The following STOX1 variants were observed in gnomAD, a reference collection of about 807,000 sequenced individuals.
STOX1 encodes the protein storkhead box 1.
A neutral mutation model predicts 74.8 loss-of-function variants in STOX1; 57 were observed. That is an observed-to-expected ratio of 0.76 (90% CI 0.62 to 0.95). The LOEUF (loss-of-function observed/expected upper bound fraction) is 0.95. STOX1 is among the 40% of genes least tolerant of loss of function. The pLI, the probability that STOX1 is intolerant of heterozygous loss-of-function variation, is 0.00. For missense variants in STOX1, 1,010 were observed against 1,117.0 expected (o/e 0.90, Z 1.37); for synonymous variants, 375 against 401.3 (o/e 0.93, Z 0.78).
downstream of STOX1, among the ~76,000 whole-genome samples, chr10:68,894,081 A>G (rs1841151425): frequency 6.7e-6 from 1 of 150,046 alleles, no homozygotes; most frequent in African/African-American, 2.5e-5. Flanking sequence ...TTTTTTTGAG[A>G]CAGCATCTCG....
chr10:68,857,339 G>C (rs1840152816), intron 1 of STOX1, among the ~76,000 whole-genome samples: 1 of 151,994 alleles, frequency 6.6e-6, no homozygotes, highest in Non-Finnish European at 1.5e-5. Flanking sequence ...CTCCCCTCCT[G>C]AAAGGAGGGA....
chr10:68,837,687 G>A (rs1248235660), intron 1 of STOX1, among the ~76,000 whole-genome samples: 1 of 152,200 alleles, frequency 6.6e-6, no homozygotes, highest in Non-Finnish European at 1.5e-5. Context: ...TCTGACATCT[G>A]AGAAAGACCT....
intron 1 of STOX1, among the ~76,000 whole-genome samples, chr10:68,857,714 A>C (rs1840162085): frequency 6.6e-6 from 1 of 152,118 alleles, no homozygotes. Flanking sequence ...GTGACCCAGC[A>C]GTCCATGCTG....
chr10:68,888,077 G>A lies in STOX1; in HGVS notation c.2822+1459G>A, dbSNP rs944247642. ...CTTATTCTAACACACACACACGCGC[G>A]CACACACGCACACACACGCGCACAC... On this transcript the variant is annotated intron_variant, in intron 3 of 3. Transcript: ENST00000298596. Among the ~76,000 whole-genome samples, 9 of 151,020 alleles carry A rather than the reference G, an allele frequency of 6.0e-5. No individual in the cohort carries two copies. The East Asian group carries it at 9.7e-4, about 16-fold the overall frequency.
intron 1 of STOX1, among the ~76,000 whole-genome samples, chr10:68,873,630 T>G (rs953565250): frequency 2.1e-5 from 3 of 143,792 alleles, no homozygotes; most frequent in Non-Finnish European, 4.6e-5. Context: ...TTTTTTTTTC[T>G]TCTTCTTCTT....
At chr10:68,841,376 A>T (rs1288242017) in intron 1 of STOX1, among the ~76,000 whole-genome samples, 1 of 152,196 alleles carries the variant, frequency 6.6e-6, no homozygotes, top group Non-Finnish European at 1.5e-5. Flanking sequence ...TCATTTCCCT[A>T]TCCCAACCAC....
At chr10:68,864,284 A>G (rs1448588677) in intron 1 of STOX1, among the ~76,000 whole-genome samples, 1 of 152,208 alleles carries the variant, frequency 6.6e-6, no homozygotes, top group African/African-American at 2.4e-5. Flanking sequence ...TTGATCCAGA[A>G]TAAGAGGCTT....
chr10:68,884,429 TC>T lies in STOX1; in HGVS notation c.634del (p.Arg212AlafsTer2). The T allele has an allele frequency of 6.2e-7, 1 of 1,614,054 alleles. No individual in the cohort carries two copies. The highest frequency in any genetic ancestry group is 1.3e-5 in the African/African-American group (1 of 75,060). On this transcript the variant is annotated frameshift_variant, in exon 3 of 4. Transcript: ENST00000298596. LOFTEE classifies it high-confidence loss of function. ...AGAGAATGCTGCCATCAGATGAAAGTCGCCTGATGCCAGCTTCCATGACATA... is the reference window on the plus strand; with the variant it reads ...AGAGAATGCTGCCATCAGATGAAAGTGCCTGATGCCAGCTTCCATGACATA... ...NKRMLPSDES[R>X]LMPASMTYLV...
chr10:68,869,859 G>T (rs1840494557), intron 1 of STOX1, among the ~76,000 whole-genome samples: 1 of 152,156 alleles, frequency 6.6e-6, no homozygotes, highest in South Asian at 2.1e-4. Flanking sequence ...TTCATGGAAT[G>T]AATGTTCCAC....
At chr10:68,853,686 T>A (rs1473969963) in intron 1 of STOX1, among the ~76,000 whole-genome samples, 15 of 151,932 alleles carry the variant, frequency 9.9e-5, no homozygotes, top group Admixed American at 9.8e-4. Flanking sequence ...TTTTTTTGTT[T>A]TTTGTTTTTT....
intron 1 of STOX1, among the ~76,000 whole-genome samples, chr10:68,864,815 C>T (rs922897903): frequency 1.3e-5 from 2 of 152,202 alleles, no homozygotes; most frequent in African/African-American, 2.4e-5. Flanking sequence ...ACTAGGATCT[C>T]CTCTAAGGAT....
chr10:68,858,983 G>C (rs1010645625), intron 1 of STOX1, among the ~76,000 whole-genome samples: 12 of 152,082 alleles, frequency 7.9e-5, no homozygotes, highest in Non-Finnish European at 1.8e-4. Flanking sequence ...GGAGTGGGAG[G>C]CCTCTGCTGG....
chr10:68,872,106 C>T (rs987123385), intron 1 of STOX1, among the ~76,000 whole-genome samples: 2 of 152,018 alleles, frequency 1.3e-5, no homozygotes, highest in Non-Finnish European at 2.9e-5. Flanking sequence ...CAGTGTGATT[C>T]AATACAGGCG....
At chr10:68,861,841 T>C (rs1840275185) in intron 1 of STOX1, among the ~76,000 whole-genome samples, 1 of 152,148 alleles carries the variant, frequency 6.6e-6, no homozygotes, top group African/African-American at 2.4e-5. Flanking sequence ...TTTTGCAATA[T>C]CCAAAGACAA....
chr10:68,852,753 T>G (rs186904647), intron 1 of STOX1, among the ~76,000 whole-genome samples: 2 of 151,598 alleles, frequency 1.3e-5, no homozygotes, highest in East Asian at 2.0e-4. Context: ...TGGCTAATTT[T>G]TTTTTTGAGA....
intron 1 of STOX1, among the ~76,000 whole-genome samples, chr10:68,830,993 A>G (rs1369044919): frequency 6.6e-6 from 1 of 152,130 alleles, no homozygotes; most frequent in Non-Finnish European, 1.5e-5. Context: ...TGCTTTCCCC[A>G]AAAGGAATTG....
At chr10:68,876,265 C>A (rs1170428664) in intron 1 of STOX1, among the ~76,000 whole-genome samples, 1 of 151,904 alleles carries the variant, frequency 6.6e-6, no homozygotes, top group African/African-American at 2.4e-5. Flanking sequence ...TCAAATGATT[C>A]TCCTGCCTAA....
At chr10:68,861,745 C>A (rs7078797) in intron 1 of STOX1, among the ~76,000 whole-genome samples, 42,281 of 151,994 alleles carry the variant, frequency 0.28, 6,446 homozygotes, top group African/African-American at 0.38. Flanking sequence ...TATGGCTGCC[C>A]ATCTTTCTGC....
intron 3 of STOX1, 125 bp downstream of exon 3, chr10:68,886,743 A>G (rs1438260315): frequency 2.4e-5 from 19 of 787,510 alleles, no homozygotes; most frequent in African/African-American, 5.1e-5. Context: ...CCTGGCCAAC[A>G]TGGTGAAACC....
Sources: allele counts gnomAD v4.1 joint callset (sites outside exome capture counted in the v4.1 genomes callset), GRCh38; gene constraint gnomAD v4.1.1; transcripts MANE v1.5; gene names NCBI Gene and HGNC (gene_info 2026-07-23, HGNC 2026-07-21).